Variants in STAU2 observed in about 807,000 individuals in gnomAD.
STAU2 encodes the protein double-stranded RNA-binding protein Staufen homolog 2.
Under a neutral mutation model 65.9 loss-of-function variants are expected in STAU2, and 20 were observed. The ratio of observed to expected loss-of-function variants is 0.30; its 90% CI spans 0.21 to 0.44. The LOEUF (loss-of-function observed/expected upper bound fraction) is 0.44, where lower values mean the gene tolerates loss of function less well. STAU2 is among the 20% of genes least tolerant of loss of function. The probability of loss-of-function intolerance (pLI) is 1.00; values close to 1 mark genes in which losing one functional copy is unlikely to be tolerated. For synonymous variants in STAU2, 232 were observed against 233.9 expected, an observed-to-expected ratio of 0.99 and a Z score of 0.07; for missense variants, 558 against 683.9, an observed-to-expected ratio of 0.82 and a Z score of 2.05.
At chr8:73,684,860 C>T (rs1818681341) in intron 5 of STAU2, among the ~76,000 whole-genome samples, 1 of 152,160 alleles carries the variant, frequency 6.6e-6, no homozygotes. Flanking sequence ...TGTTCAACAT[C>T]ATGAATTATC....
intron 10 of STAU2, among the ~76,000 whole-genome samples, chr8:73,596,518 G>T (rs923953494): frequency 6.6e-6 from 1 of 152,194 alleles, no homozygotes; most frequent in African/African-American, 2.4e-5. Context: ...AGTGGTCTCA[G>T]TAAGTGATTG....
chr8:73,639,476 T>C (rs926796609), intron 6 of STAU2, among the ~76,000 whole-genome samples: 1 of 152,096 alleles, frequency 6.6e-6, no homozygotes, highest in African/African-American at 2.4e-5. Flanking sequence ...CAACATATTC[T>C]AGTCTAGCTA....
At chr8:73,447,430 C>G (rs553864268) in intron 13 of STAU2, among the ~76,000 whole-genome samples, 1 of 152,302 alleles carries the variant, frequency 6.6e-6, no homozygotes, top group South Asian at 2.1e-4. Context: ...CATCATATGG[C>G]TGTGCCATAA....
At chr8:73,572,075 C>A (rs901205461) in intron 12 of STAU2, among the ~76,000 whole-genome samples, 1 of 152,122 alleles carries the variant, frequency 6.6e-6, no homozygotes, top group Non-Finnish European at 1.5e-5. Flanking sequence ...GATATCACCA[C>A]CCATCCCACA....
intron 6 of STAU2, among the ~76,000 whole-genome samples, chr8:73,658,498 C>T (rs1816559862): frequency 6.6e-6 from 1 of 152,148 alleles, no homozygotes; most frequent in Non-Finnish European, 1.5e-5. Context: ...TGATGATCAC[C>T]CAAAATCTTA....
At chr8:73,651,887 A>T (rs1354292902) in intron 6 of STAU2, among the ~76,000 whole-genome samples, 1 of 152,186 alleles carries the variant, frequency 6.6e-6, no homozygotes. Context: ...TACATTGTGG[A>T]GGCACCTCTC....
chr8:73,467,767 G>A (rs1819739507), intron 13 of STAU2, among the ~76,000 whole-genome samples: 1 of 152,076 alleles, frequency 6.6e-6, no homozygotes, highest in African/African-American at 2.4e-5. Flanking sequence ...TGTTTCCCCT[G>A]TGTCCTTTTA....
chr8:73,592,599 C>G (rs1010740057), intron 11 of STAU2, among the ~76,000 whole-genome samples: 1 of 152,140 alleles, frequency 6.6e-6, no homozygotes, highest in Admixed American at 6.5e-5. Context: ...TGCCTCACGC[C>G]TGTAATCCCA....
chr8:73,684,240 G>A (rs1010675595), intron 5 of STAU2, among the ~76,000 whole-genome samples: 8 of 152,080 alleles, frequency 5.3e-5, no homozygotes, highest in South Asian at 2.1e-4. Flanking sequence ...AAAACAGCAC[G>A]ATACTGCTAT....
At chr8:73,423,276 C>T (rs919819752) in intron 13 of STAU2, among the ~76,000 whole-genome samples, 5 of 152,100 alleles carry the variant, frequency 3.3e-5, no homozygotes, top group Non-Finnish European at 7.4e-5. Context: ...GCAGGCCTGC[C>T]GGGCAGAGCC....
intron 7 of STAU2, among the ~76,000 whole-genome samples, chr8:73,616,457 G>C (rs1041048394): frequency 2.9e-4 from 44 of 152,242 alleles, no homozygotes; most frequent in African/African-American, 1.0e-3. Context: ...GAAACAATTG[G>C]TTTGGGGAAA....
At chr8:73,489,830 A>G (rs1821076632) in intron 13 of STAU2, among the ~76,000 whole-genome samples, 1 of 152,020 alleles carries the variant, frequency 6.6e-6, no homozygotes, top group South Asian at 2.1e-4. Context: ...AAAGTTTCTT[A>G]GGAGCATTAA....
intron 3 of STAU2, among the ~76,000 whole-genome samples, chr8:73,718,356 C>T (rs1321409290): frequency 2.0e-5 from 3 of 152,164 alleles, no homozygotes; most frequent in African/African-American, 7.2e-5. Flanking sequence ...TTAAACATTA[C>T]ACTTTAAACA....
intron 12 of STAU2, among the ~76,000 whole-genome samples, chr8:73,565,584 G>A (rs1056433111): frequency 1.3e-5 from 2 of 151,996 alleles, no homozygotes; most frequent in African/African-American, 4.8e-5. Context: ...TTTTTTAATT[G>A]TGTGGTGGTA....
intron 13 of STAU2, among the ~76,000 whole-genome samples, chr8:73,530,808 C>T (rs1805760803): frequency 1.3e-5 from 2 of 151,662 alleles, no homozygotes; most frequent in Admixed American, 6.6e-5. Flanking sequence ...ATGAGAGAAT[C>T]CCAGCAGAAG....
At chr8:73,528,938 T>C (rs1805620754) in intron 13 of STAU2, among the ~76,000 whole-genome samples, 1 of 152,160 alleles carries the variant, frequency 6.6e-6, no homozygotes, top group African/African-American at 2.4e-5. Context: ...CCTAGTCTAA[T>C]GGCTTAATAA....
Position 73,720,499 on chromosome 8 carries a change from CTTTTTTTTTT to C in STAU2, c.-17-11347_-17-11338del, listed in dbSNP as rs1174035145. Among the ~76,000 whole-genome samples, 33 of 39,100 alleles carry C rather than the reference CTTTTTTTTTT, an allele frequency of 8.4e-4. 7 individuals carry two copies. The highest frequency in any genetic ancestry group is 4.1e-3 in the African/African-American group (31 of 7,526). The allele number at this position is 39,100 out of a possible 152,430, so 25.7% of individuals were successfully genotyped here. On this transcript the variant is annotated intron_variant, in intron 3 of 14. Coordinates refer to ENST00000524300, the MANE Select transcript of STAU2 (RefSeq NM_001164380.2). ...GTTGTCATTTAGTTTAAAATACTTT[CTTTTTTTTTT>C]TTTTTTTTTTTTTTGAGACGGAGTC...
chr8:73,611,119 T>C (rs1401110461), intron 9 of STAU2, among the ~76,000 whole-genome samples: 1 of 152,192 alleles, frequency 6.6e-6, no homozygotes, highest in African/African-American at 2.4e-5. Context: ...CTATAGACCC[T>C]CAATGTATAA....
At chr8:73,505,846 G>A (rs758338725) in intron 13 of STAU2, among the ~76,000 whole-genome samples, 3 of 152,104 alleles carry the variant, frequency 2.0e-5, no homozygotes, top group Non-Finnish European at 2.9e-5. Context: ...CGTGGGAGCA[G>A]ATACCTCATG....
Sources: gnomAD v4.1 joint callset for allele counts (sites outside exome capture counted in the v4.1 genomes callset) on GRCh38, gnomAD v4.1.1 for gene constraint, MANE v1.5 for transcripts, NCBI Gene and HGNC (gene_info 2026-07-23, HGNC 2026-07-21) for gene names.